SNX8: variants seen among roughly 807,000 people sequenced by gnomAD.
The protein encoded by SNX8 is sorting nexin 8, also known as sorting nexin-8.
SNX8 carries 25 observed loss-of-function variants against 51.6 expected under a neutral mutation model. The observed-to-expected ratio is 0.48, with a 90% CI of 0.35 to 0.68. The LOEUF (loss-of-function observed/expected upper bound fraction) is 0.68, where lower values mean the gene tolerates loss of function less well. Among genes scored for constraint, SNX8 ranks in the 30% least tolerant of loss-of-function variants. The pLI, the probability that SNX8 is intolerant of heterozygous loss-of-function variation, is 0.00. For missense variants in SNX8, 695 were observed against 624.0 expected (o/e 1.11, Z -1.21); for synonymous variants, 324 against 277.0 (o/e 1.17, Z -1.68).
chr7:2,321,356 C>G (rs1443465104), intron 1 of SNX8, among the ~76,000 whole-genome samples: 3 of 152,180 alleles, frequency 2.0e-5, no homozygotes, highest in African/African-American at 7.2e-5. Flanking sequence ...GACACGTCTG[C>G]CTTCAGCAGA....
At chr7:2,266,351 A>ATT (rs60169934) in intron 5 of SNX8, among the ~76,000 whole-genome samples, 28 of 148,414 alleles carry the variant, frequency 1.9e-4, no homozygotes, top group Non-Finnish European at 3.4e-4. Flanking sequence ...AGCCTGGCTA[A>ATT]TTTTTTTTTT....
intron 6 of SNX8, among the ~76,000 whole-genome samples, chr7:2,263,907 G>A (rs1187315486): frequency 6.6e-6 from 1 of 151,950 alleles, no homozygotes; most frequent in Non-Finnish European, 1.5e-5. Context: ...AGTAGAGACG[G>A]GTTTCACCAT....
At chr7:2,282,792 C>T (rs1419555248) in intron 1 of SNX8, among the ~76,000 whole-genome samples, 2 of 152,014 alleles carry the variant, frequency 1.3e-5, no homozygotes, top group African/African-American at 2.4e-5. Flanking sequence ...GCCTGGCCAA[C>T]GTGGCGAAAT....
chr7:2,271,825 A>T, intron 4 of SNX8, 25 bp downstream of exon 4: 2 of 1,585,274 alleles, frequency 1.3e-6, no homozygotes, highest in Non-Finnish European at 1.7e-6. Flanking sequence ...CGGGGCCGGG[A>T]CATGGGCAGG....
chr7:2,325,691 G>C (rs1028403660), intron 1 of SNX8, among the ~76,000 whole-genome samples: 7 of 152,024 alleles, frequency 4.6e-5, no homozygotes, highest in Non-Finnish European at 8.8e-5. Flanking sequence ...AAATTAGCTG[G>C]GTGTGTTGGC....
At chr7:2,272,580 T>G (rs749340471) in intron 3 of SNX8, among the ~76,000 whole-genome samples, 3 of 152,102 alleles carry the variant, frequency 2.0e-5, no homozygotes, top group Non-Finnish European at 4.4e-5. Flanking sequence ...TTCACCATGT[T>G]GGTCACGCTG....
intron 5 of SNX8, among the ~76,000 whole-genome samples, chr7:2,267,739 C>G (rs1206722674): frequency 1.4e-5 from 2 of 146,014 alleles, no homozygotes; most frequent in Admixed American, 6.8e-5. Context: ...GCCACCCCGT[C>G]TGGGAAGTGA....
Position 2,305,541 on chromosome 7 carries a change from T to G in SNX8, c.94+8787A>C, listed in dbSNP as rs1392554174. ...ACCACACCTGGCTAATGTTTATACTTTTATTAGAGAGGAGGTTTCACCATG... is the reference window on the plus strand; with the variant it reads ...ACCACACCTGGCTAATGTTTATACTGTTATTAGAGAGGAGGTTTCACCATG... On this transcript the variant is annotated intron_variant, in intron 1 of 10. Transcript: ENST00000222990. 2.6e-5 allele frequency among the ~76,000 whole-genome samples: 4 copies of G among 152,046 alleles called. No individual in the cohort carries two copies. In the East Asian group the frequency reaches 7.8e-4, roughly 30 times the overall value.
chr7:2,326,030 A>C (rs1410426961), intron 1 of SNX8, among the ~76,000 whole-genome samples: 1 of 152,180 alleles, frequency 6.6e-6, no homozygotes, highest in Non-Finnish European at 1.5e-5. Context: ...CAAAGTATTG[A>C]AAGTGAGGCT....
chr7:2,316,571 C>T (rs1359416174), upstream of SNX8, among the ~76,000 whole-genome samples: 2 of 149,750 alleles, frequency 1.3e-5, no homozygotes, highest in Non-Finnish European at 3.0e-5. Context: ...TCACTGCATC[C>T]TGCATTCATT....
chr7:2,276,756 A>G (rs1406846088), intron 2 of SNX8, among the ~76,000 whole-genome samples: 1 of 152,154 alleles, frequency 6.6e-6, no homozygotes. Context: ...ACCAGCCTGG[A>G]CAATATAGTG....
intron 1 of SNX8, among the ~76,000 whole-genome samples, chr7:2,345,504 C>G (rs151141007): frequency 0.011 from 1,641 of 152,046 alleles, 38 homozygotes; most frequent in African/African-American, 0.033. Context: ...GTGGAAAAAA[C>G]CCCATCTCTA....
intron 1 of SNX8, among the ~76,000 whole-genome samples, chr7:2,305,338 G>A (rs1584725270): frequency 6.6e-6 from 1 of 152,196 alleles, no homozygotes; most frequent in East Asian, 1.9e-4. Flanking sequence ...GGAACCTCAG[G>A]TTTTCCCCCA....
intron 1 of SNX8, among the ~76,000 whole-genome samples, chr7:2,292,845 T>G (rs1348884553): frequency 1.3e-5 from 2 of 151,864 alleles, no homozygotes; most frequent in East Asian, 2.0e-4. Flanking sequence ...CGCGGCAAGA[T>G]CCTGCCTCTA....
chr7:2,350,129 G>T (rs1779109683), intron 1 of SNX8, among the ~76,000 whole-genome samples: 1 of 152,138 alleles, frequency 6.6e-6, no homozygotes, highest in Non-Finnish European at 1.5e-5. Context: ...AACCTGGTTG[G>T]CCTACTTGGA....
intron 1 of SNX8, among the ~76,000 whole-genome samples, chr7:2,339,655 C>T (rs1778887458): frequency 1.3e-5 from 2 of 151,786 alleles, no homozygotes; most frequent in Non-Finnish European, 2.9e-5. Context: ...AATTACCAAG[C>T]GAATTCTAAA....
chr7:2,310,525 T>C (rs1796638995), intron 1 of SNX8, among the ~76,000 whole-genome samples: 1 of 152,100 alleles, frequency 6.6e-6, no homozygotes, highest in Non-Finnish European at 1.5e-5. Context: ...CTCAGCACTT[T>C]GGTAGGCCGA....
chr7:2,295,198 G>A (rs1202403724), intron 1 of SNX8, among the ~76,000 whole-genome samples: 1 of 152,078 alleles, frequency 6.6e-6, no homozygotes, highest in African/African-American at 2.4e-5. Flanking sequence ...GAGGTCAGGA[G>A]TTCGAGACCA....
At chr7:2,269,958 A>G (rs1795603956) in intron 4 of SNX8, among the ~76,000 whole-genome samples, 1 of 152,144 alleles carries the variant, frequency 6.6e-6, no homozygotes, top group Admixed American at 6.5e-5. Context: ...GCGGCTCTGC[A>G]GAGAAACGGC....
Sources: allele counts gnomAD v4.1 joint callset (sites outside exome capture counted in the v4.1 genomes callset), GRCh38; gene constraint gnomAD v4.1.1; transcripts MANE v1.5; gene names NCBI Gene and HGNC (gene_info 2026-07-23, HGNC 2026-07-21).